Variants in KIF6 observed in about 807,000 individuals in gnomAD.
KIF6 encodes the protein kinesin-like protein KIF6.
Under a neutral mutation model 112.7 loss-of-function variants are expected in KIF6, and 106 were observed. That is an observed-to-expected ratio of 0.94 (90% CI 0.80 to 1.11). The LOEUF (loss-of-function observed/expected upper bound fraction) is 1.11, where lower values mean the gene tolerates loss of function less well. KIF6 is among the 50% of genes least tolerant of loss of function. KIF6 has a pLI of 0.00. For missense variants in KIF6, 929 were observed against 964.0 expected (o/e 0.96, Z 0.48); for synonymous variants, 339 against 339.9 (o/e 1.00, Z 0.03).
At chr6:39,377,602 G>C (rs1040559283) in intron 16 of KIF6, among the ~76,000 whole-genome samples, 1 of 152,206 alleles carries the variant, frequency 6.6e-6, no homozygotes, top group Admixed American at 6.5e-5. Context: ...GGCATCAACA[G>C]CCGAGGCCTG....
rs936854542 is a variant in KIF6, at chr6:39,378,937, A to G, written c.1861+6685T>C. Among the ~76,000 whole-genome samples, 1 of 152,184 alleles carries G rather than the reference A, an allele frequency of 6.6e-6. No homozygotes were observed. The highest frequency in any genetic ancestry group is 2.4e-5 in the African/African-American group (1 of 41,446). ...CTCACATAAACGCTTTCAGTGAGCT[A>G]TGCTTTAATGTCAGGCCTCTAGCTT... is the stretch of plus-strand genomic sequence containing the variant. On this transcript the variant is annotated intron_variant, in intron 16 of 22. Transcript: ENST00000287152. This position sits in a 1 kb window ranked among gnomAD's most constrained non-coding sequence, Gnocchi z 5.0.
intron 16 of KIF6, among the ~76,000 whole-genome samples, chr6:39,383,563 C>T (rs186556894): frequency 2.6e-5 from 4 of 152,138 alleles, no homozygotes; most frequent in Admixed American, 6.5e-5. Context: ...GTTACTGTAG[C>T]CTTGTAGTTT....
chr6:39,392,275 T>C (rs1343031145), intron 15 of KIF6, among the ~76,000 whole-genome samples: 1 of 152,202 alleles, frequency 6.6e-6, no homozygotes, highest in African/African-American at 2.4e-5. Context: ...CAACTTTTAC[T>C]TCCATTTTTT....
intron 5 of KIF6, among the ~76,000 whole-genome samples, chr6:39,628,596 C>T (rs1784208249): frequency 6.6e-6 from 1 of 152,014 alleles, no homozygotes; most frequent in Non-Finnish European, 1.5e-5. Context: ...TCGGGATTGG[C>T]TTTTTTTACT....
intron 13 of KIF6, among the ~76,000 whole-genome samples, chr6:39,480,394 T>TA (rs1044596702): frequency 7.9e-5 from 12 of 152,206 alleles, no homozygotes; most frequent in Non-Finnish European, 1.5e-5. Flanking sequence ...GCATCCCTGG[T>TA]ATGAAACCCA....
At chr6:39,495,690 C>T (rs1367975517) in intron 13 of KIF6, among the ~76,000 whole-genome samples, 3 of 152,214 alleles carry the variant, frequency 2.0e-5, no homozygotes, top group Admixed American at 2.0e-4. Context: ...AATTTCCTTT[C>T]GGTCAATCTA....
intron 15 of KIF6, among the ~76,000 whole-genome samples, chr6:39,396,258 A>G (rs1269472283): frequency 1.3e-5 from 2 of 152,248 alleles, no homozygotes; most frequent in Admixed American, 1.3e-4. Context: ...GATGTTGCAT[A>G]TGCACGTTGC....
chr6:39,681,694 T>C (rs982889557), intron 3 of KIF6, among the ~76,000 whole-genome samples: 1 of 152,194 alleles, frequency 6.6e-6, no homozygotes, highest in Non-Finnish European at 1.5e-5. Context: ...GAGTCAGAAC[T>C]CTTCCCTTCC....
At chr6:39,404,505 T>C (rs1038185135) in intron 15 of KIF6, among the ~76,000 whole-genome samples, 2 of 152,246 alleles carry the variant, frequency 1.3e-5, no homozygotes, top group Non-Finnish European at 2.9e-5. Context: ...TTTTGGACTC[T>C]GTATCCTGTT....
intron 18 of KIF6, among the ~76,000 whole-genome samples, chr6:39,359,105 T>G (rs1167596786): frequency 6.6e-6 from 1 of 152,236 alleles, no homozygotes; most frequent in Admixed American, 6.5e-5. Context: ...GCTATCACAC[T>G]GGTTATTGCT....
intron 10 of KIF6, among the ~76,000 whole-genome samples, chr6:39,560,331 T>G (rs1779945281): frequency 6.6e-6 from 1 of 152,228 alleles, no homozygotes; most frequent in African/African-American, 2.4e-5. Context: ...AGCTAATAAT[T>G]CAGAGAGCTA....
chr6:39,717,062 CCTAA>C (rs775674879), intron 2 of KIF6, among the ~76,000 whole-genome samples: 1 of 152,166 alleles, frequency 6.6e-6, no homozygotes, highest in Non-Finnish European at 1.5e-5. Flanking sequence ...CTTGCAATAG[CCTAA>C]CTAGTCTTTT....
rs563505468 is a variant in KIF6, at chr6:39,562,797, T to C, written c.1181+15259A>G. 4.6e-5 allele frequency among the ~76,000 whole-genome samples: 7 copies of C among 152,380 alleles called. No homozygotes were observed. The South Asian group carries it at 1.4e-3, about 32-fold the overall frequency. On this transcript the variant is annotated intron_variant, in intron 10 of 22. Transcript: ENST00000287152. ...ATGGCATTTATTTATACCATAATTA[T>C]GAACATTTGCTGAATGATTTGATTA...
rs757106040 is a variant in KIF6 at position 39,639,806 on chromosome 6, T to C, written c.252-49A>G. ...TTCAATATCAACATGGCTAACTGCATATGAATTAAATGGCTTGTATTCTAA... is the reference window on the plus strand; with the variant it reads ...TTCAATATCAACATGGCTAACTGCACATGAATTAAATGGCTTGTATTCTAA... On this transcript the variant is annotated intron_variant, in intron 3 of 22. Transcript: ENST00000287152. 21 of 1,534,410 alleles carry C rather than the reference T, an allele frequency of 1.4e-5. 1 individual carries two copies. The East Asian group carries it at 2.3e-4, about 17-fold the overall frequency.
intron 5 of KIF6, among the ~76,000 whole-genome samples, chr6:39,619,229 T>C (rs1362869901): frequency 6.6e-6 from 1 of 152,192 alleles, no homozygotes; most frequent in African/African-American, 2.4e-5. Flanking sequence ...TCTTTTGCTA[T>C]CCACATGAAT....
intron 13 of KIF6, among the ~76,000 whole-genome samples, chr6:39,443,625 G>C (rs1772106818): frequency 1.3e-5 from 2 of 151,966 alleles, no homozygotes; most frequent in South Asian, 4.2e-4. Flanking sequence ...TGTATAACTA[G>C]TAGCGATGGG....
At chr6:39,509,921 T>C (rs1242121518) in intron 13 of KIF6, among the ~76,000 whole-genome samples, 2 of 151,700 alleles carry the variant, frequency 1.3e-5, no homozygotes, top group Non-Finnish European at 2.9e-5. Context: ...CCCCAAGACA[T>C]ATAATTGTCA....
chr6:39,658,270 T>C (rs1481979589), intron 3 of KIF6, among the ~76,000 whole-genome samples: 1 of 152,174 alleles, frequency 6.6e-6, no homozygotes, highest in Admixed American at 6.5e-5. Flanking sequence ...ATATACATAA[T>C]GGAGACAGAA....
At chr6:39,506,521 G>A (rs569959573) in intron 13 of KIF6, among the ~76,000 whole-genome samples, 1 of 152,090 alleles carries the variant, frequency 6.6e-6, no homozygotes, top group South Asian at 2.1e-4. Context: ...AATAAAAGTT[G>A]GAAAGTAAAA....
Sources: allele counts gnomAD v4.1 joint callset (sites outside exome capture counted in the v4.1 genomes callset), GRCh38; gene constraint gnomAD v4.1.1; non-coding constraint Gnocchi (gnomAD v3.1); transcripts MANE v1.5; gene names NCBI Gene and HGNC (gene_info 2026-07-23, HGNC 2026-07-21).